The following TNRC6A variants were observed in gnomAD, a reference collection of about 807,000 sequenced individuals.
TNRC6A encodes trinucleotide repeat-containing gene 6A protein.
TNRC6A carries 44 observed loss-of-function variants against 221.2 expected under a neutral mutation model. The observed-to-expected ratio is 0.20, with a 90% CI of 0.16 to 0.26. TNRC6A has a LOEUF of 0.26. Ranked by LOEUF, TNRC6A falls within the 10% of genes least tolerant of loss-of-function variation. TNRC6A has a pLI of 1.00. For missense variants in TNRC6A, 2,199 were observed against 2,404.4 expected, an observed-to-expected ratio of 0.91 and a Z score of 1.79; for synonymous variants, 847 against 838.5, an observed-to-expected ratio of 1.01 and a Z score of -0.18.
At chr16:24,758,468 G>T (rs373105475) in intron 4 of TNRC6A, 108 bp downstream of exon 4, 3 of 1,200,528 alleles carry the variant, frequency 2.5e-6, no homozygotes, top group Non-Finnish European at 2.4e-6. Flanking sequence ...TGAAAGAAGC[G>T]GTTGGGATTA....
intron 15 of TNRC6A, 50 bp downstream of exon 15, chr16:24,805,783 G>A: frequency 6.2e-7 from 1 of 1,611,648 alleles, no homozygotes; most frequent in Non-Finnish European, 8.5e-7. Flanking sequence ...AGCATCTACT[G>A]TATGCCAAAC....
chr16:24,731,270 TTGA>T (rs2056634173), intron 2 of TNRC6A, among the ~76,000 whole-genome samples: 2 of 152,230 alleles, frequency 1.3e-5, no homozygotes, highest in African/African-American at 4.8e-5. Flanking sequence ...TAGTTTGCTC[TTGA>T]TGATTGCGGG....
chr16:24,780,077 G>T (rs1279825700), intron 5 of TNRC6A, among the ~76,000 whole-genome samples: 1 of 152,134 alleles, frequency 6.6e-6, no homozygotes, highest in African/African-American at 2.4e-5. Context: ...TGAAGGCTTT[G>T]GGGGGATGAC....
At chr16:24,822,784 A>G in intron 23 of TNRC6A, 90 bp from the exon 24 acceptor site, 4 of 1,540,530 alleles carry the variant, frequency 2.6e-6, no homozygotes, top group Non-Finnish European at 2.6e-6. Context: ...GCCTCAGGAA[A>G]GAGAGGAGGG....
intron 4 of TNRC6A, among the ~76,000 whole-genome samples, chr16:24,762,633 A>C (rs2057388158): frequency 6.6e-6 from 1 of 152,194 alleles, no homozygotes; most frequent in African/African-American, 2.4e-5. Flanking sequence ...TTCAGTGTAT[A>C]CTAGCACAAG....
Position 24,823,654 on chromosome 16 carries a change from C to T in TNRC6A, c.5736C>T (p.Asp1912=). The T allele has an allele frequency of 6.2e-7, 1 of 1,612,806 alleles. No individual in the cohort carries two copies. Among genetic ancestry groups the T allele is most frequent in the Non-Finnish European group, 8.5e-7 (1 of 1,179,158 alleles). The change falls in exon 25 of 25, where the codon GAC becomes GAT. Residue 1912 remains aspartate, a synonymous_variant. Coordinates refer to ENST00000395799, the MANE Select transcript of TNRC6A (RefSeq NM_014494.4). This position sits in a 1 kb window ranked among gnomAD's most constrained non-coding sequence, Gnocchi z 4.3. ...GGCTGTCGGGAACTAACTGTGGAGA[C>T]CTTCACGGCACTTCACTCTGGGGGA... The part of the protein sequence containing the change: ...GAGLSGTNCG[D]LHGTSLWGTP...
chr16:24,799,417 T>C (rs1303010873), intron 11 of TNRC6A, among the ~76,000 whole-genome samples: 1 of 152,204 alleles, frequency 6.6e-6, no homozygotes, highest in Non-Finnish European at 1.5e-5. Flanking sequence ...CTTAACAAGA[T>C]ACAGCTTTCT....
chr16:24,694,383 C>A (rs1440191881), intron 2 of TNRC6A, among the ~76,000 whole-genome samples: 1 of 152,054 alleles, frequency 6.6e-6, no homozygotes, highest in Admixed American at 6.6e-5. Flanking sequence ...TTGCTGGGCG[C>A]GGTGGCTCAC....
chr16:24,664,743 T>C, intron 2 of TNRC6A: 1 of 304,250 alleles, frequency 3.3e-6, no homozygotes, highest in Non-Finnish European at 6.9e-6. Flanking sequence ...CTCTTGTGTA[T>C]AGGGTGCCTT....
chr16:24,791,330 C>A lies in TNRC6A; in HGVS notation c.2688C>A (p.Phe896Leu). 1 of 1,605,310 alleles carries A rather than the reference C, an allele frequency of 6.2e-7. No individual in the cohort carries two copies. Residue 896 changes from phenylalanine to leucine, a missense_variant, in exon 6 of 25, where the codon TTC becomes TTA. By Grantham distance (22) the Phe-to-Leu change is conservative. Around this residue, in one of 8 missense-constraint regions of TNRC6A, gnomAD observed 1,405 missense variants for 1,400.2 expected, o/e 1.00. Coordinates refer to ENST00000395799, the MANE Select transcript of TNRC6A (RefSeq NM_014494.4). Reference sequence around the variant, plus strand: ...ACGAACTTGGTAAAACTAGTTCTTTCACTTGGGGAAACAACATAAATCCAA... The same window carrying A: ...ACGAACTTGGTAAAACTAGTTCTTTAACTTGGGGAAACAACATAAATCCAA... ...GWNELGKTSSFTWGNNINPNN... is the reference protein window; with the variant it reads ...GWNELGKTSSLTWGNNINPNN...
rs999911203 is a variant in TNRC6A, at chr16:24,818,581, T to A, written c.4973-12T>A. 4.3e-6 allele frequency: 7 copies of A among 1,611,452 alleles called. No individual in the cohort carries two copies. Among genetic ancestry groups the A allele is most frequent in the Non-Finnish European group, 5.9e-6 (7 of 1,177,676 alleles). ...TTGCTCTGGTGGCTGATTGGACTCT[T>A]CCCCCACACAGGGTCATCCTCATCC... On this transcript the variant is annotated splice_polypyrimidine_tract_variant and intron_variant, in intron 20 of 24. Coordinates refer to ENST00000395799, the MANE Select transcript of TNRC6A (RefSeq NM_014494.4).
At chr16:24,773,528 G>A (rs911853883) in intron 4 of TNRC6A, among the ~76,000 whole-genome samples, 1 of 152,156 alleles carries the variant, frequency 6.6e-6, no homozygotes, top group Non-Finnish European at 1.5e-5. Flanking sequence ...GCATGCATGT[G>A]TGTGTGTTTG....
In TNRC6A at chr16:24,791,084, C is replaced by T. The variant is rs747027299; in HGVS notation, c.2442C>T (p.Val814=). Residue 814 remains valine (V), a synonymous_variant, in exon 6 of 25, where the codon GTC becomes GTT. Coordinates refer to ENST00000395799, the MANE Select transcript of TNRC6A (RefSeq NM_014494.4). ...ATGATTCTGCTGCTACAGGAATGGT[C>T]AAGAGCAATCAGTGGGGGAATTGCA... ...WEDDSAATGM[V]KSNQWGNCKE... 1 of 1,611,132 alleles carries T rather than the reference C, an allele frequency of 6.2e-7. No individual in the cohort carries two copies. Among genetic ancestry groups the T allele is most frequent in the Non-Finnish European group, 8.5e-7 (1 of 1,178,432 alleles).
rs1165153063 is a variant in TNRC6A, at chr16:24,769,558, C to CT, written c.164-7369dup. On this transcript the variant is annotated intron_variant, in intron 4 of 24. Coordinates refer to ENST00000395799, the MANE Select transcript of TNRC6A (RefSeq NM_014494.4). ...AAATGTAACTCTTTTCCATTAAAAT[C>CT]TTTTTTGATATGGACCAGGGCAGTC... is the stretch of plus-strand genomic sequence containing the variant. 6.0e-5 allele frequency among the ~76,000 whole-genome samples: 9 copies of CT among 150,650 alleles called. No homozygotes were observed. The East Asian group carries it at 1.8e-3, about 29-fold the overall frequency.
rs532695529 is a variant in TNRC6A, at chr16:24,821,426, T to C, written c.5303-651T>C. Among the ~76,000 whole-genome samples, 31 of 152,022 alleles carry C rather than the reference T, an allele frequency of 2.0e-4. No individual in the cohort carries two copies. In the South Asian group the frequency reaches 5.4e-3, roughly 27 times the overall value. On this transcript the variant is annotated intron_variant, in intron 22 of 24. Transcript: ENST00000395799. Reference sequence around the variant, plus strand: ...ACCGGAGAAAGCACAAAGGCTCCCGTTGGAGTGATGAGAGGATTGCAGGGA... The same window carrying C: ...ACCGGAGAAAGCACAAAGGCTCCCGCTGGAGTGATGAGAGGATTGCAGGGA...
At chr16:24,772,811 A>G (rs374807526) in intron 4 of TNRC6A, among the ~76,000 whole-genome samples, 1 of 152,178 alleles carries the variant, frequency 6.6e-6, no homozygotes, top group Non-Finnish European at 1.5e-5. Flanking sequence ...AAGAAAAAGT[A>G]TGGTAGTATT....
intron 1 of TNRC6A, among the ~76,000 whole-genome samples, chr16:24,637,487 A>G (rs1901695397): frequency 6.6e-6 from 1 of 152,206 alleles, no homozygotes. Context: ...GCAAGGGGAA[A>G]ATAATACAAT....
At chr16:24,750,389 A>G (rs2057109314) in intron 2 of TNRC6A, among the ~76,000 whole-genome samples, 1 of 152,202 alleles carries the variant, frequency 6.6e-6, no homozygotes, top group Non-Finnish European at 1.5e-5. Context: ...TGGGGCCAGT[A>G]GCAAGGTAAC....
At chr16:24,733,071 G>C (rs1374945147) in intron 2 of TNRC6A, among the ~76,000 whole-genome samples, 1 of 152,148 alleles carries the variant, frequency 6.6e-6, no homozygotes, top group East Asian at 1.9e-4. Flanking sequence ...ACAAAAATTA[G>C]TTGGGCGTGG....
Sources: gnomAD v4.1 joint callset for allele counts (sites outside exome capture counted in the v4.1 genomes callset) on GRCh38, gnomAD v4.1.1 for gene constraint, gnomAD v4.1.1 regional missense constraint, Gnocchi (gnomAD v3.1) non-coding constraint, MANE v1.5 for transcripts, NCBI Gene and HGNC (gene_info 2026-07-23, HGNC 2026-07-21) for gene names.